ADGRL2: variants seen among roughly 807,000 people sequenced by gnomAD.
ADGRL2 encodes the protein adhesion G protein-coupled receptor L2.
In ADGRL2, 44 loss-of-function variants were observed where a neutral mutation model predicts 157.4. That is an observed-to-expected ratio of 0.28 (90% CI 0.22 to 0.36). The LOEUF is 0.36. Ranked by LOEUF, ADGRL2 falls within the 10% of genes least tolerant of loss-of-function variation. ADGRL2 has a pLI of 1.00. For missense variants in ADGRL2, 1,510 were observed against 1,768.9 expected, an observed-to-expected ratio of 0.85 and a Z score of 2.63; for synonymous variants, 585 against 624.7, an observed-to-expected ratio of 0.94 and a Z score of 0.95.
At chr1:81,658,939 A>G (rs994062297) in intron 3 of ADGRL2, among the ~76,000 whole-genome samples, 2 of 150,932 alleles carry the variant, frequency 1.3e-5, no homozygotes, top group Middle Eastern at 3.4e-3. Context: ...TTTAGTAGAG[A>G]TGGGGTTTCA....
chr1:81,549,643 C>A (rs1162375195), intron 2 of ADGRL2, among the ~76,000 whole-genome samples: 1 of 152,128 alleles, frequency 6.6e-6, no homozygotes, highest in East Asian at 1.9e-4. Context: ...AAGAACCTAG[C>A]CACCAGTGGT....
chr1:81,981,771 A>G, intron 18 of ADGRL2, 37 bp from the exon 19 acceptor site: 1 of 1,573,566 alleles, frequency 6.4e-7, no homozygotes, highest in Non-Finnish European at 8.7e-7. Flanking sequence ...TTTTTTGCTC[A>G]TTGAACCTGT....
In ADGRL2 at chr1:81,913,102, G is replaced by A. The variant is rs1412751475; in HGVS notation, c.287+5872G>A. Reference sequence around the variant, plus strand: ...TGAAAGGTTGGGATAATGGAAGTAAGCTCTAAATGTAGGCACCAGAATAAT... The same window carrying A: ...TGAAAGGTTGGGATAATGGAAGTAAACTCTAAATGTAGGCACCAGAATAAT... On this transcript the variant is annotated intron_variant, in intron 3 of 23. Coordinates refer to ENST00000686636, the MANE Select transcript of ADGRL2 (RefSeq NM_001366006.2). Among the ~76,000 whole-genome samples, 4 of 152,150 alleles carry A rather than the reference G, an allele frequency of 2.6e-5. No homozygotes were observed. In the East Asian group the frequency reaches 7.7e-4, roughly 29 times the overall value.
At chr1:81,823,035 C>T (rs1358677377) in intron 1 of ADGRL2, among the ~76,000 whole-genome samples, 1 of 151,594 alleles carries the variant, frequency 6.6e-6, no homozygotes, top group Non-Finnish European at 1.5e-5. Context: ...GATTGACACT[C>T]TTTAATATTT....
chr1:81,872,362 C>T (rs976688092), intron 2 of ADGRL2, among the ~76,000 whole-genome samples: 18 of 152,024 alleles, frequency 1.2e-4, no homozygotes, highest in East Asian at 5.8e-4. Context: ...AGTCAGGTAG[C>T]GTGATGCCTC....
intron 3 of ADGRL2, among the ~76,000 whole-genome samples, chr1:81,581,237 C>T (rs1056999557): frequency 6.6e-6 from 1 of 152,136 alleles, no homozygotes; most frequent in Non-Finnish European, 1.5e-5. Context: ...TGAACATAAG[C>T]AGGTATTTGT....
intron 1 of ADGRL2, among the ~76,000 whole-genome samples, chr1:81,748,824 C>T (rs139577019): frequency 0.07 from 10,618 of 151,906 alleles, 475 homozygotes; most frequent in Non-Finnish European, 0.097. Context: ...TGTGCCACCA[C>T]GCCTGGCTAA....
At chr1:81,947,644 C>A (rs1183247071) in intron 6 of ADGRL2, among the ~76,000 whole-genome samples, 2 of 152,094 alleles carry the variant, frequency 1.3e-5, no homozygotes, top group African/African-American at 2.4e-5. Flanking sequence ...TTTATCATTA[C>A]CAGATGCCCT....
intron 1 of ADGRL2, among the ~76,000 whole-genome samples, chr1:81,738,874 C>A (rs561571353): frequency 6.0e-4 from 91 of 152,302 alleles, no homozygotes; most frequent in Non-Finnish European, 1.2e-3. Flanking sequence ...TGGATTCTAC[C>A]TTCACAACAA....
chr1:81,513,332 TTTGA>T (rs1279195355), intron 2 of ADGRL2, among the ~76,000 whole-genome samples: 3 of 152,150 alleles, frequency 2.0e-5, no homozygotes, highest in Non-Finnish European at 4.4e-5. Context: ...TTTTTGACAA[TTTGA>T]TTGATTCTTA....
At chr1:81,368,602 A>T (rs1455291779) in intron 1 of ADGRL2, among the ~76,000 whole-genome samples, 1 of 152,212 alleles carries the variant, frequency 6.6e-6, no homozygotes, top group Non-Finnish European at 1.5e-5. Context: ...CACGTATGAG[A>T]TAAAGCCAAA....
At chr1:81,846,949 G>T (rs781728843) in intron 2 of ADGRL2, among the ~76,000 whole-genome samples, 2 of 151,110 alleles carry the variant, frequency 1.3e-5, no homozygotes, top group African/African-American at 2.4e-5. Context: ...GGTGCTGTAG[G>T]TTGAGTTTAT....
chr1:81,329,264 A>G (rs949424258), intron 1 of ADGRL2, among the ~76,000 whole-genome samples: 11 of 152,208 alleles, frequency 7.2e-5, no homozygotes, highest in African/African-American at 2.6e-4. Flanking sequence ...ATCATACTGC[A>G]TTCTTCTCAG....
chr1:81,528,646 CAAAAAAAAA>C (rs59842382), intron 2 of ADGRL2, among the ~76,000 whole-genome samples: 4 of 114,664 alleles, frequency 3.5e-5, no homozygotes, highest in South Asian at 2.6e-4. Flanking sequence ...GACTCCATCT[CAAAAAAAAA>C]AAAAAAAAAA....
At chr1:81,824,718 A>G (rs2091297666) in intron 1 of ADGRL2, among the ~76,000 whole-genome samples, 1 of 152,176 alleles carries the variant, frequency 6.6e-6, no homozygotes, top group Non-Finnish European at 1.5e-5. Flanking sequence ...TGAGGCAGTA[A>G]GGTTGGCTTT....
chr1:81,462,521 A>C (rs1414452693), intron 2 of ADGRL2, among the ~76,000 whole-genome samples: 2 of 152,138 alleles, frequency 1.3e-5, no homozygotes, highest in East Asian at 3.9e-4. Flanking sequence ...CAGACTTGAT[A>C]AGAAATGGCA....
intron 1 of ADGRL2, among the ~76,000 whole-genome samples, chr1:81,828,736 A>G (rs944348330): frequency 1.7e-4 from 26 of 152,276 alleles, no homozygotes; most frequent in African/African-American, 5.8e-4. Context: ...CTCCTACTCC[A>G]TGTTTGAGTA....
intron 2 of ADGRL2, among the ~76,000 whole-genome samples, chr1:81,570,912 AC>A (rs1200508646): frequency 6.6e-6 from 1 of 152,160 alleles, no homozygotes; most frequent in East Asian, 1.9e-4. Context: ...TTTCAGCTGC[AC>A]ACCAGAGAAT....
intron 1 of ADGRL2, among the ~76,000 whole-genome samples, chr1:81,829,521 G>A (rs1208552520): frequency 6.6e-6 from 1 of 152,116 alleles, no homozygotes; most frequent in Non-Finnish European, 1.5e-5. Context: ...TTCGTTATCT[G>A]TAGTTTTCCC....
Sources: gnomAD v4.1 joint callset for allele counts (sites outside exome capture counted in the v4.1 genomes callset) on GRCh38, gnomAD v4.1.1 for gene constraint, MANE v1.5 for transcripts, NCBI Gene and HGNC (gene_info 2026-07-23, HGNC 2026-07-21) for gene names.